PATJ: variants seen among roughly 807,000 people sequenced by gnomAD.
PATJ encodes the protein inaD-like protein.
A neutral mutation model predicts 224.9 loss-of-function variants in PATJ; 190 were observed. The ratio of observed to expected loss-of-function variants is 0.84; its 90% CI spans 0.75 to 0.95. PATJ has a LOEUF of 0.95. Among genes scored for constraint, PATJ ranks in the 40% least tolerant of loss-of-function variants. PATJ has a pLI of 0.00. For synonymous variants in PATJ, 769 were observed against 820.3 expected (o/e 0.94, Z 1.07); for missense variants, 2,121 against 2,270.3 (o/e 0.93, Z 1.34).
intron 22 of PATJ, among the ~76,000 whole-genome samples, chr1:61,887,078 CAT>C (rs1431927717): frequency 6.6e-6 from 1 of 151,466 alleles, no homozygotes; most frequent in Non-Finnish European, 1.5e-5. Flanking sequence ...GTATATAAGA[CAT>C]ACAACATTTA....
In PATJ at chr1:61,827,310, G is replaced by C. The variant is rs551633642; in HGVS notation, c.1819-112G>C. On this transcript the variant is annotated intron_variant, in intron 15 of 43. Transcript: ENST00000642238. ...ATGAAAGCGAGGCCCCTTGTTTACAGGGAAAATAAAATGATGTCCTATTTT... is the reference window on the plus strand; with the variant it reads ...ATGAAAGCGAGGCCCCTTGTTTACACGGAAAATAAAATGATGTCCTATTTT... The C allele has an allele frequency of 4.6e-6, 4 of 868,052 alleles. No individual in the cohort carries two copies. The African/African-American group carries it at 6.8e-5, about 15-fold the overall frequency. 53.8% of individuals were successfully genotyped at this position (868,052 alleles called of 1,614,324 possible).
intron 37 of PATJ, among the ~76,000 whole-genome samples, chr1:62,120,524 C>T (rs1357985586): frequency 6.6e-6 from 1 of 152,116 alleles, no homozygotes; most frequent in Non-Finnish European, 1.5e-5. Flanking sequence ...TGAACAGCCA[C>T]TAGCCTTAAA....
Position 61,861,563 on chromosome 1 carries a change from G to A in PATJ, c.2335G>A (p.Glu779Lys), listed in dbSNP as rs12141598. Residue 779 changes from glutamate (E) to lysine (K), a missense_variant, in exon 19 of 44, where the codon GAA becomes AAA. Coordinates refer to ENST00000642238, the MANE Select transcript of PATJ (RefSeq NM_001350145.3). Reference protein sequence around the residue: ...ICKPLVEDNEEESCYILHSSS... With the variant: ...ICKPLVEDNEKESCYILHSSS... ...TTTATATTTTCAGGAAGATAATGAA[G>A]AAGAAAGTTGTTATATTTTACATTC... is the stretch of plus-strand genomic sequence containing the variant. The A allele has an allele frequency of 7.3e-7, 1 of 1,370,360 alleles. No homozygotes were observed. Among genetic ancestry groups the A allele is most frequent in the East Asian group, 2.5e-5 (1 of 39,230 alleles). 84.9% of individuals were successfully genotyped at this position (1,370,360 alleles called of 1,614,324 possible).
At chr1:61,909,107 G>A (rs1672250372) in intron 25 of PATJ, among the ~76,000 whole-genome samples, 1 of 152,100 alleles carries the variant, frequency 6.6e-6, no homozygotes. Context: ...AGCCTCCCGA[G>A]TAGCTGGGAT....
chr1:61,940,443 G>A (rs1197815682), intron 27 of PATJ, among the ~76,000 whole-genome samples: 11 of 152,092 alleles, frequency 7.2e-5, no homozygotes, highest in African/African-American at 2.2e-4. Context: ...CTAGCCGGGC[G>A]CAGTGGTTCA....
At chr1:61,974,458 G>A (rs1217779469) in intron 27 of PATJ, among the ~76,000 whole-genome samples, 1 of 130,232 alleles carries the variant, frequency 7.7e-6, no homozygotes, top group East Asian at 2.1e-4. Context: ...TTGTTGCCAA[G>A]GCTAGAGTGC....
In PATJ at chr1:61,827,370, GT is replaced by G. The variant is rs1658457099; in HGVS notation, c.1819-46del. On this transcript the variant is annotated intron_variant, in intron 15 of 43. Transcript: ENST00000642238. ...AGATGGATATAAATAAGAGATTTTT[GT>G]TTTTTCATTTGGGGCTGGCTCAGTT... 3.4e-6 allele frequency: 5 copies of G among 1,457,020 alleles called. No individual in the cohort carries two copies. The South Asian group carries it at 6.3e-5, about 18-fold the overall frequency. The allele number at this position is 1,457,020 out of a possible 1,614,324, so 90.3% of individuals were successfully genotyped here. A position where few individuals can be genotyped will look rare whatever the true frequency, so the allele number is the denominator to read the frequency against.
At chr1:62,030,351 A>G (rs1433266425) in intron 29 of PATJ, among the ~76,000 whole-genome samples, 1 of 152,180 alleles carries the variant, frequency 6.6e-6, no homozygotes, top group East Asian at 1.9e-4. Flanking sequence ...AATATTAGAC[A>G]TTATCCCAAT....
chr1:61,799,586 ATG>A (rs1652047553), intron 11 of PATJ, among the ~76,000 whole-genome samples: 1 of 152,132 alleles, frequency 6.6e-6, no homozygotes, highest in Non-Finnish European at 1.5e-5. Context: ...CAGGGGATAA[ATG>A]TGCATGTTTG....
At chr1:62,008,012 C>T (rs562619039) in intron 28 of PATJ, among the ~76,000 whole-genome samples, 5 of 152,178 alleles carry the variant, frequency 3.3e-5, no homozygotes, top group African/African-American at 4.8e-5. Context: ...ATCTGAAGAT[C>T]GGGATGCACC....
chr1:62,045,589 G>C (rs546762015), intron 30 of PATJ, among the ~76,000 whole-genome samples: 72 of 152,230 alleles, frequency 4.7e-4, no homozygotes, highest in South Asian at 3.7e-3. Context: ...CACTGACTGT[G>C]ATCTCATAGG....
intron 27 of PATJ, among the ~76,000 whole-genome samples, chr1:61,933,752 G>C (rs188553378): frequency 6.6e-6 from 1 of 152,120 alleles, no homozygotes; most frequent in Non-Finnish European, 1.5e-5. Context: ...AAAATGTTAT[G>C]TCTTCTCCAA....
At chr1:62,070,983 T>C (rs1657291522) in intron 31 of PATJ, among the ~76,000 whole-genome samples, 1 of 152,146 alleles carries the variant, frequency 6.6e-6, no homozygotes, top group African/African-American at 2.4e-5. Context: ...TGTATTGTTA[T>C]ACATCGAATG....
intron 33 of PATJ, among the ~76,000 whole-genome samples, chr1:62,092,375 G>C (rs146179449): frequency 0.015 from 2,300 of 150,552 alleles, 29 homozygotes; most frequent in South Asian, 0.027. Flanking sequence ...GCAAGACCTT[G>C]CCTGTTAAAA....
At chr1:61,908,113 T>C (rs1169418782) in intron 24 of PATJ, among the ~76,000 whole-genome samples, 1 of 152,232 alleles carries the variant, frequency 6.6e-6, no homozygotes, top group East Asian at 1.9e-4. Context: ...CTACCTGTTT[T>C]GGATAATTAT....
At chr1:61,981,796 C>T (rs538638531) in intron 27 of PATJ, among the ~76,000 whole-genome samples, 5 of 151,814 alleles carry the variant, frequency 3.3e-5, no homozygotes, top group African/African-American at 4.9e-5. Flanking sequence ...CTCAGCCTCC[C>T]GAGTAGCTGG....
At chr1:61,922,411 G>T (rs896174504) in intron 26 of PATJ, among the ~76,000 whole-genome samples, 1 of 152,078 alleles carries the variant, frequency 6.6e-6, no homozygotes, top group African/African-American at 2.4e-5. Flanking sequence ...CATCTGGAAG[G>T]GACTGGAATT....
intron 27 of PATJ, among the ~76,000 whole-genome samples, chr1:61,966,440 C>T (rs577692270): frequency 1.8e-4 from 27 of 152,088 alleles, no homozygotes; most frequent in African/African-American, 6.5e-4. Flanking sequence ...AATCCCAGCA[C>T]TTTGGGTGGC....
chr1:61,765,314 C>T (rs1223427493), intron 3 of PATJ, among the ~76,000 whole-genome samples: 3 of 151,136 alleles, frequency 2.0e-5, no homozygotes, highest in African/African-American at 7.3e-5. Context: ...GGCCCTGAAG[C>T]AGTCCTCCCA....
Sources: gnomAD v4.1 joint callset for allele counts (sites outside exome capture counted in the v4.1 genomes callset) on GRCh38, gnomAD v4.1.1 for gene constraint, MANE v1.5 for transcripts, NCBI Gene and HGNC (gene_info 2026-07-23, HGNC 2026-07-21) for gene names.